The following MC2R variants were observed in gnomAD, a reference collection of about 807,000 sequenced individuals.
MC2R encodes melanocortin 2 receptor.
A neutral mutation model predicts 9.8 loss-of-function variants in MC2R; 9 were observed. That is an observed-to-expected ratio of 0.92 (90% confidence interval 0.55 to 1.60). The LOEUF (loss-of-function observed/expected upper bound fraction) is 1.60. Ranked by LOEUF, MC2R falls within the 40% of genes most tolerant of loss-of-function variation. The pLI is 0.00. For missense variants in MC2R, 370 were observed against 389.0 expected (o/e 0.95, Z 0.41); for synonymous variants, 185 against 154.7 (o/e 1.20, Z -1.45).
At chr18:13,899,926 C>T (rs1001104629) in intron 1 of MC2R, among the ~76,000 whole-genome samples, 1 of 152,078 alleles carries the variant, frequency 6.6e-6, no homozygotes, top group Non-Finnish European at 1.5e-5. Context: ...GTACAAAACT[C>T]ACTAATAACA....
At chr18:13,897,356 C>T (rs143627249) in intron 1 of MC2R, among the ~76,000 whole-genome samples, 6 of 152,174 alleles carry the variant, frequency 3.9e-5, no homozygotes, top group East Asian at 1.9e-4. Context: ...CCCCAATGGT[C>T]GGAACTTGAG....
intron 1 of MC2R, among the ~76,000 whole-genome samples, chr18:13,905,542 C>T (rs570319458): frequency 6.0e-5 from 9 of 150,830 alleles, no homozygotes; most frequent in Admixed American, 1.3e-4. Flanking sequence ...AAAACCACAA[C>T]GAGATACCAT....
At chr18:13,897,029 T>C (rs2045349649) in intron 1 of MC2R, among the ~76,000 whole-genome samples, 2 of 152,124 alleles carry the variant, frequency 1.3e-5, no homozygotes, top group African/African-American at 4.8e-5. Flanking sequence ...ACTATCTACA[T>C]AGGAAAAACA....
chr18:13,896,042 T>A (rs1324718226), intron 1 of MC2R, among the ~76,000 whole-genome samples: 1 of 152,198 alleles, frequency 6.6e-6, no homozygotes, highest in Non-Finnish European at 1.5e-5. Flanking sequence ...TTAAGAGATA[T>A]GACTATTTTA....
chr18:13,903,349 C>G (rs1422083869), intron 1 of MC2R, among the ~76,000 whole-genome samples: 1 of 152,096 alleles, frequency 6.6e-6, no homozygotes, highest in Non-Finnish European at 1.5e-5. Flanking sequence ...TGGATATATA[C>G]CCAAAGGGAA....
At position 13,885,535 on chromosome 18, in the gene MC2R, T is replaced by C. The variant is rs778352657; in HGVS notation, c.-17A>G. The C allele has an allele frequency of 6.2e-7, 1 of 1,614,076 alleles. No homozygotes were observed. The highest frequency in any genetic ancestry group is 1.1e-5 in the South Asian group (1 of 91,054). Reference sequence around the variant, plus strand: ...GTGCTTCATTTCTCCTGCTTGTGGTTAAGGCGGGGATGTTACTTGGACTTG... The same window carrying C: ...GTGCTTCATTTCTCCTGCTTGTGGTCAAGGCGGGGATGTTACTTGGACTTG... On this transcript the variant is annotated 5_prime_UTR_variant, in exon 2 of 2. Coordinates refer to ENST00000327606, the MANE Select transcript of MC2R (RefSeq NM_000529.2).
At chr18:13,908,986 A>C (rs1260508173) in intron 1 of MC2R, among the ~76,000 whole-genome samples, 2 of 152,116 alleles carry the variant, frequency 1.3e-5, no homozygotes, top group Non-Finnish European at 2.9e-5. Context: ...CAATATTGAC[A>C]CACTGTTATT....
In MC2R at chr18:13,883,141, C is replaced by G. The variant is rs1387146336; in HGVS notation, c.*1484G>C. 1.3e-5 allele frequency: 2 copies of G among 152,360 alleles called. No individual in the cohort carries two copies. The highest frequency in any genetic ancestry group is 1.3e-4 in the Admixed American group (2 of 15,290). 9.4% of individuals were successfully genotyped at this position (152,360 alleles called of 1,614,324 possible). ...CCCCTCAGCAGCTCTGGGAAATTCT[C>G]CTGAGGGCAAAGCATTGCCTGTTCT... On this transcript the variant is annotated 3_prime_UTR_variant, in exon 2 of 2. Coordinates refer to ENST00000327606, the MANE Select transcript of MC2R (RefSeq NM_000529.2).
intron 1 of MC2R, among the ~76,000 whole-genome samples, chr18:13,892,805 TACACACACACACAC>T (rs34352644): frequency 1.2e-4 from 18 of 147,220 alleles, no homozygotes; most frequent in African/African-American, 2.3e-4. Context: ...CATAATCTGT[TACACACACACACAC>T]ACACACACAC....
At chr18:13,888,313 G>A (rs934288650) in intron 1 of MC2R, among the ~76,000 whole-genome samples, 6 of 152,164 alleles carry the variant, frequency 3.9e-5, no homozygotes, top group South Asian at 2.1e-4. Context: ...GCTACTGCAC[G>A]TTTGTGGATG....
chr18:13,886,752 G>A (rs1304965025), intron 1 of MC2R, among the ~76,000 whole-genome samples: 1 of 152,170 alleles, frequency 6.6e-6, no homozygotes, highest in Non-Finnish European at 1.5e-5. Context: ...GCACCAGTGG[G>A]GAAAGCCAGC....
chr18:13,914,344 C>T (rs752060011), intron 1 of MC2R, among the ~76,000 whole-genome samples: 4 of 152,126 alleles, frequency 2.6e-5, no homozygotes, highest in African/African-American at 7.2e-5. Flanking sequence ...TCTCAGTGTG[C>T]GCTGTCCTCA....
In MC2R at chr18:13,885,409, A is replaced by G; in HGVS notation, c.110T>C (p.Val37Ala). 6.2e-7 allele frequency: 1 copy of G among 1,614,008 alleles called. No homozygotes were observed. The highest frequency in any genetic ancestry group is 8.5e-7 in the Non-Finnish European group (1 of 1,179,852). The change falls in exon 2 of 2, where the codon GTT becomes GCT. Residue 37 changes from valine to alanine, a missense_variant. Coordinates refer to ENST00000327606, the MANE Select transcript of MC2R (RefSeq NM_000529.2). ...PEEIFFTISIVGVLENLIVLL... is the reference protein window; with the variant it reads ...PEEIFFTISIAGVLENLIVLL... ...GACGATCAGATTCTCCAAAACTCCA[A>G]CAATGGAAATTGTGAAAAATATCTC...
chr18:13,914,867 G>C (rs528234862), intron 1 of MC2R, among the ~76,000 whole-genome samples: 2 of 152,240 alleles, frequency 1.3e-5, no homozygotes, highest in Non-Finnish European at 2.9e-5. Context: ...CTTTGCAGGA[G>C]TATGTGATAA....
chr18:13,898,566 G>T (rs929783246), intron 1 of MC2R, among the ~76,000 whole-genome samples: 1 of 152,238 alleles, frequency 6.6e-6, no homozygotes, highest in African/African-American at 2.4e-5. Flanking sequence ...CAGGCCTGGG[G>T]TGAGACTGAG....
chr18:13,892,744 G>A (rs965705501), intron 1 of MC2R, among the ~76,000 whole-genome samples: 7 of 151,806 alleles, frequency 4.6e-5, no homozygotes, highest in Non-Finnish European at 8.8e-5. Flanking sequence ...AAAAAAGAGA[G>A]CTATTAACCT....
At chr18:13,896,377 C>A (rs1238230498) in intron 1 of MC2R, among the ~76,000 whole-genome samples, 1 of 152,086 alleles carries the variant, frequency 6.6e-6, no homozygotes, top group African/African-American at 2.4e-5. Flanking sequence ...AGAGAATTGG[C>A]TGAAAAGTGT....
chr18:13,904,954 T>C (rs956214386), intron 1 of MC2R, among the ~76,000 whole-genome samples: 3 of 152,062 alleles, frequency 2.0e-5, no homozygotes, highest in African/African-American at 7.2e-5. Context: ...ACCTAGGCAA[T>C]ACCATTCAGG....
At chr18:13,892,189 T>C (rs1278816584) in intron 1 of MC2R, among the ~76,000 whole-genome samples, 1 of 152,182 alleles carries the variant, frequency 6.6e-6, no homozygotes, top group South Asian at 2.1e-4. Flanking sequence ...AGAGCCCCTG[T>C]GGCAGCTTTT....
Sources: allele counts gnomAD v4.1 joint callset (sites outside exome capture counted in the v4.1 genomes callset), GRCh38; gene constraint gnomAD v4.1.1; transcripts MANE v1.5; gene names NCBI Gene and HGNC (gene_info 2026-07-23, HGNC 2026-07-21).